EYS: variants seen among roughly 807,000 people sequenced by gnomAD.
The protein encoded by EYS is protein eyes shut homolog.
In EYS, 250 loss-of-function variants were observed where a neutral mutation model predicts 282.1. That is an observed-to-expected ratio of 0.89 (90% CI 0.80 to 0.98). The LOEUF (loss-of-function observed/expected upper bound fraction) is 0.98. Among genes scored for constraint, EYS ranks in the 50% least tolerant of loss-of-function variants. EYS has a pLI of 0.00. For missense variants in EYS, 4,016 were observed against 3,709.0 expected (o/e 1.08, Z -2.15); for synonymous variants, 1,355 against 1,282.9 (o/e 1.06, Z -1.20).
At position 64,633,318 on chromosome 6, in the gene EYS, G is replaced by T. The variant is rs373710202; in HGVS notation, c.3444-7073C>A. Among the ~76,000 whole-genome samples the T allele has an allele frequency of 2.2e-4, 34 of 152,226 alleles. No individual in the cohort carries two copies. In the East Asian group the frequency reaches 5.4e-3, roughly 24 times the overall value. ...TAGTTATGAATGAATGAAACTCAAA[G>T]TAGTTCCTTTTTATAGATGATATTA... is the stretch of plus-strand genomic sequence containing the variant. On this transcript the variant is annotated intron_variant, in intron 22 of 42. Transcript: ENST00000503581.
intron 22 of EYS, among the ~76,000 whole-genome samples, chr6:64,703,429 A>ATATATTTTTTTTTTTTTT (rs869208549): frequency 1.3e-4 from 3 of 23,362 alleles, no homozygotes; most frequent in Non-Finnish European, 2.2e-4. Flanking sequence ...ATATATATAT[A>ATATATTTTTTTTTTTTTT]TTTTTTTTTT....
intron 5 of EYS, among the ~76,000 whole-genome samples, chr6:65,453,694 C>T (rs1306860006): frequency 6.6e-6 from 1 of 151,982 alleles, no homozygotes; most frequent in East Asian, 1.9e-4. Flanking sequence ...CCCCTACAGT[C>T]TCTGGTAACC....
intron 31 of EYS, among the ~76,000 whole-genome samples, chr6:64,182,105 GA>G (rs1181889211): frequency 6.6e-6 from 1 of 152,050 alleles, no homozygotes; most frequent in African/African-American, 2.4e-5. Flanking sequence ...ATTATAGTGT[GA>G]AATAAAAAAA....
At chr6:63,907,907 G>T (rs1474828641) in intron 35 of EYS, among the ~76,000 whole-genome samples, 1 of 150,932 alleles carries the variant, frequency 6.6e-6, no homozygotes, top group East Asian at 2.0e-4. Flanking sequence ...TATGATAATG[G>T]CCTTCAGTGC....
intron 29 of EYS, among the ~76,000 whole-genome samples, chr6:64,312,473 C>T (rs534961700): frequency 6.6e-6 from 1 of 152,258 alleles, no homozygotes; most frequent in Non-Finnish European, 1.5e-5. Flanking sequence ...CTTAAATATC[C>T]CTGACTGACT....
At chr6:65,333,732 T>C (rs1448761640) in intron 11 of EYS, among the ~76,000 whole-genome samples, 3 of 151,168 alleles carry the variant, frequency 2.0e-5, no homozygotes, top group African/African-American at 7.3e-5. Flanking sequence ...TGTATATACA[T>C]ATATATATAC....
At chr6:65,380,823 C>T (rs980916372) in intron 8 of EYS, among the ~76,000 whole-genome samples, 2 of 151,754 alleles carry the variant, frequency 1.3e-5, no homozygotes, top group African/African-American at 4.8e-5. Flanking sequence ...CAACAGACAC[C>T]CATCAAAAGA....
At chr6:65,007,079 T>C (rs1015075729) in intron 13 of EYS, among the ~76,000 whole-genome samples, 2 of 152,190 alleles carry the variant, frequency 1.3e-5, no homozygotes, top group Admixed American at 1.3e-4. Context: ...GAATCCAGCA[T>C]CCTGGATCCC....
chr6:63,910,410 A>G (rs546514241), intron 35 of EYS, among the ~76,000 whole-genome samples: 1 of 152,330 alleles, frequency 6.6e-6, no homozygotes, highest in South Asian at 2.1e-4. Context: ...TTTGAGATGG[A>G]ATTCTGTGTA....
intron 14 of EYS, among the ~76,000 whole-genome samples, chr6:64,976,371 T>TAA (rs796473066): frequency 6.8e-6 from 1 of 146,016 alleles, no homozygotes; most frequent in South Asian, 2.2e-4. Flanking sequence ...AGGCTGCTAT[T>TAA]AAAAAAAAAA....
chr6:65,073,033 A>G (rs1164314070), intron 12 of EYS, among the ~76,000 whole-genome samples: 1 of 151,530 alleles, frequency 6.6e-6, no homozygotes, highest in Non-Finnish European at 1.5e-5. Context: ...ATTAAAGAAA[A>G]CTTTCCTGAA....
chr6:65,475,753 A>G (rs1490803656), intron 5 of EYS, among the ~76,000 whole-genome samples: 1 of 82,374 alleles, frequency 1.2e-5, no homozygotes, highest in Non-Finnish European at 2.6e-5. Flanking sequence ...AGACAGACAG[A>G]CAGACACACA....
intron 35 of EYS, among the ~76,000 whole-genome samples, chr6:63,940,710 T>G (rs762902729): frequency 2.0e-5 from 3 of 151,990 alleles, no homozygotes; most frequent in Non-Finnish European, 2.9e-5. Context: ...ATACTTTAAC[T>G]TCTAGGGTAC....
chr6:64,710,970 G>T (rs1771193159), intron 22 of EYS, among the ~76,000 whole-genome samples: 1 of 152,146 alleles, frequency 6.6e-6, no homozygotes, highest in Non-Finnish European at 1.5e-5. Context: ...GTTACACAGG[G>T]ATTCTGTGGA....
intron 5 of EYS, among the ~76,000 whole-genome samples, chr6:65,478,467 G>A (rs1402321645): frequency 6.6e-6 from 1 of 152,096 alleles, no homozygotes; most frequent in Non-Finnish European, 1.5e-5. Context: ...TGCTTACCAA[G>A]TATTTTACAT....
At chr6:65,381,231 G>C (rs1765598220) in intron 8 of EYS, among the ~76,000 whole-genome samples, 1 of 152,054 alleles carries the variant, frequency 6.6e-6, no homozygotes. Flanking sequence ...GCCCATCAAT[G>C]ATAGGCTGGA....
intron 32 of EYS, among the ~76,000 whole-genome samples, chr6:64,080,310 T>C (rs1771920356): frequency 6.6e-6 from 1 of 152,226 alleles, no homozygotes; most frequent in Non-Finnish European, 1.5e-5. Context: ...CGATGGCCAG[T>C]GATGATGAGC....
intron 1 of EYS, among the ~76,000 whole-genome samples, chr6:65,681,572 A>G (rs1434812700): frequency 6.6e-6 from 1 of 151,892 alleles, no homozygotes; most frequent in Admixed American, 6.6e-5. Context: ...CCTTTATTTA[A>G]ATTTTCCCCT....
chr6:64,022,788 A>T (rs1769253569), intron 33 of EYS, among the ~76,000 whole-genome samples: 3 of 152,166 alleles, frequency 2.0e-5, no homozygotes, highest in Non-Finnish European at 4.4e-5. Flanking sequence ...AGCTCCCCAA[A>T]ACTAGTGCCA....
Sources: allele counts gnomAD v4.1 joint callset (sites outside exome capture counted in the v4.1 genomes callset), GRCh38; gene constraint gnomAD v4.1.1; transcripts MANE v1.5; gene names NCBI Gene and HGNC (gene_info 2026-07-23, HGNC 2026-07-21).